The following GPHN variants were observed in gnomAD, a reference collection of about 807,000 sequenced individuals.
GPHN encodes the protein gephyrin.
A neutral mutation model predicts 95.5 loss-of-function variants in GPHN; 17 were observed. The ratio of observed to expected loss-of-function variants is 0.18; its 90% CI spans 0.12 to 0.27. The LOEUF (loss-of-function observed/expected upper bound fraction) is 0.27, where lower values mean the gene tolerates loss of function less well. Among genes scored for constraint, GPHN ranks in the 10% least tolerant of loss-of-function variants. The pLI is 1.00. For synonymous variants in GPHN, 320 were observed against 322.5 expected (o/e 0.99, Z 0.08); for missense variants, 660 against 978.1 (o/e 0.67, Z 4.34).
intron 1 of GPHN, among the ~76,000 whole-genome samples, chr14:66,644,290 T>C (rs1348278309): frequency 6.6e-6 from 1 of 152,074 alleles, no homozygotes. Context: ...TCTCTTTAAG[T>C]ATGTCTAAAT....
chr14:66,549,304 A>G (rs2059729089), intron 1 of GPHN, among the ~76,000 whole-genome samples: 1 of 152,230 alleles, frequency 6.6e-6, no homozygotes, highest in Non-Finnish European at 1.5e-5. Context: ...ACTCCAGTGA[A>G]TACACAAATG....
chr14:67,451,356 A>G, the GPHN span, among the ~76,000 whole-genome samples: 1 of 152,194 alleles, frequency 6.6e-6, no homozygotes, highest in Non-Finnish European at 1.5e-5. Context: ...AGGCCCCAGA[A>G]TGGTAGATCC....
At chr14:67,455,341 C>G in the GPHN span, among the ~76,000 whole-genome samples, 1 of 152,190 alleles carries the variant, frequency 6.6e-6, no homozygotes, top group African/African-American at 2.4e-5. Context: ...GCCATCCCCT[C>G]TGTCTGCAGT....
In GPHN at chr14:67,109,056, C is replaced by T. The variant is rs892364421; in HGVS notation, c.1294-1084C>T. ...GCCTACATGGTGTGACCTGTAGCTC[C>T]GAGGCTACAAACCTGCACAGCATAT... On this transcript the variant is annotated intron_variant, in intron 13 of 22. Coordinates refer to ENST00000478722, the MANE Select transcript of GPHN (RefSeq NM_020806.5). Among the ~76,000 whole-genome samples, 13 of 152,010 alleles carry T rather than the reference C, an allele frequency of 8.6e-5. 1 individual carries two copies. The highest frequency in any genetic ancestry group is 2.0e-4 in the Admixed American group (3 of 15,262).
chr14:66,998,785 T>C (rs537782612), intron 9 of GPHN, among the ~76,000 whole-genome samples: 5 of 151,984 alleles, frequency 3.3e-5, no homozygotes, highest in African/African-American at 1.2e-4. Flanking sequence ...AAAATGAACC[T>C]ATCCATGAGT....
chr14:66,640,026 G>A (rs1595365165), intron 1 of GPHN, among the ~76,000 whole-genome samples: 1 of 152,082 alleles, frequency 6.6e-6, no homozygotes, highest in African/African-American at 2.4e-5. Context: ...TGGAGTAAAG[G>A]CATTTATAAT....
At chr14:67,322,478 C>A in the GPHN span, among the ~76,000 whole-genome samples, 3 of 152,192 alleles carry the variant, frequency 2.0e-5, no homozygotes, top group Non-Finnish European at 4.4e-5. Flanking sequence ...GTGGTAGAAT[C>A]TGCTGCTCAT....
chr14:67,475,294 TG>T, the GPHN span, among the ~76,000 whole-genome samples: 1 of 152,232 alleles, frequency 6.6e-6, no homozygotes, highest in Non-Finnish European at 1.5e-5. Context: ...CATCCATTGA[TG>T]GACACCTGGG....
At chr14:67,049,332 T>G (rs201660611) in intron 10 of GPHN, among the ~76,000 whole-genome samples, 1 of 149,044 alleles carries the variant, frequency 6.7e-6, no homozygotes, top group East Asian at 2.0e-4. Flanking sequence ...GGTTCACGCC[T>G]TTCTCCTGCC....
chr14:67,477,914 C>T, the GPHN span, among the ~76,000 whole-genome samples: 2 of 152,228 alleles, frequency 1.3e-5, no homozygotes, highest in Non-Finnish European at 2.9e-5. Flanking sequence ...GCCACATCCC[C>T]ACCCTAACAT....
At chr14:67,093,375 G>T (rs2077218460) in intron 12 of GPHN, among the ~76,000 whole-genome samples, 1 of 152,014 alleles carries the variant, frequency 6.6e-6, no homozygotes, top group Non-Finnish European at 1.5e-5. Context: ...CAGCCATTGT[G>T]ACTTAGACCT....
intron 2 of GPHN, among the ~76,000 whole-genome samples, chr14:66,698,042 C>T (rs1885198): frequency 0.31 from 47,236 of 151,844 alleles, 11,166 homozygotes; most frequent in African/African-American, 0.64. Flanking sequence ...AAATATGACC[C>T]ATTCGAAAGC....
At chr14:67,014,125 T>C (rs539709690) in intron 9 of GPHN, among the ~76,000 whole-genome samples, 19 of 152,188 alleles carry the variant, frequency 1.2e-4, no homozygotes, top group African/African-American at 4.6e-4. Flanking sequence ...GCATTTCTTA[T>C]TACAGGCCTA....
chr14:67,662,235 C>T, the GPHN span, among the ~76,000 whole-genome samples: 1 of 152,204 alleles, frequency 6.6e-6, no homozygotes, highest in Middle Eastern at 3.4e-3. Flanking sequence ...TGAGAATGCC[C>T]TTACTACTCA....
chr14:67,076,619 C>T (rs1329250103), intron 11 of GPHN, among the ~76,000 whole-genome samples: 1 of 152,058 alleles, frequency 6.6e-6, no homozygotes, highest in African/African-American at 2.4e-5. Flanking sequence ...TTGGTAAGCG[C>T]AGTGAATAGT....
chr14:67,531,250 G>A, the GPHN span, among the ~76,000 whole-genome samples: 1 of 152,246 alleles, frequency 6.6e-6, no homozygotes, highest in South Asian at 2.1e-4. Context: ...CTGCATTCTA[G>A]CTTAGGCAAC....
chr14:66,600,674 C>T (rs939393266), intron 1 of GPHN, among the ~76,000 whole-genome samples: 4 of 151,952 alleles, frequency 2.6e-5, no homozygotes, highest in Admixed American at 6.6e-5. Flanking sequence ...ATATCACAGG[C>T]GTCTTGTGCT....
At chr14:67,301,562 T>C in the GPHN span, 1 of 705,974 alleles carries the variant, frequency 1.4e-6, no homozygotes, top group Non-Finnish European at 2.3e-6. Flanking sequence ...TGTCAAACAT[T>C]CTCTAGCCTA....
chr14:67,387,554 A>G, the GPHN span: 6 of 1,201,954 alleles, frequency 5.0e-6, no homozygotes, highest in Non-Finnish European at 7.1e-6. Flanking sequence ...GGACAAAAAC[A>G]TACAATGATG....
Sources: allele counts gnomAD v4.1 joint callset (sites outside exome capture counted in the v4.1 genomes callset), GRCh38; gene constraint gnomAD v4.1.1; transcripts MANE v1.5; gene names NCBI Gene and HGNC (gene_info 2026-07-23, HGNC 2026-07-21).